The following HADHB variants were observed in gnomAD, a reference collection of about 807,000 sequenced individuals.
HADHB encodes the protein hydroxyacyl-CoA dehydrogenase trifunctional multienzyme complex subunit beta.
In HADHB, 50 loss-of-function variants were observed where a neutral mutation model predicts 61.9. That is an observed-to-expected ratio of 0.81 (90% CI 0.64 to 1.02). The LOEUF (loss-of-function observed/expected upper bound fraction) is 1.02, where lower values mean the gene tolerates loss of function less well. Ranked by LOEUF, HADHB falls within the 50% of genes least tolerant of loss-of-function variation. The pLI is 0.00. For synonymous variants in HADHB, 191 were observed against 201.6 expected (o/e 0.95, Z 0.45); for missense variants, 504 against 586.5 (o/e 0.86, Z 1.45).
At chr2:26,280,254 G>A (rs1672731363) in intron 10 of HADHB, 139 bp downstream of exon 10, 4 of 745,402 alleles carry the variant, frequency 5.4e-6, no homozygotes, top group Admixed American at 2.4e-5. Flanking sequence ...TGAAAGTGGA[G>A]TCATTAAAAA....
chr2:26,281,242 C>T (rs968741814), intron 10 of HADHB, among the ~76,000 whole-genome samples: 1 of 152,072 alleles, frequency 6.6e-6, no homozygotes, highest in Non-Finnish European at 1.5e-5. Flanking sequence ...TTTCTCTTCT[C>T]TTACCACCTT....
chr2:26,281,268 G>T (rs1191579799), intron 10 of HADHB, among the ~76,000 whole-genome samples: 1 of 151,986 alleles, frequency 6.6e-6, no homozygotes, highest in Non-Finnish European at 1.5e-5. Flanking sequence ...TAGTCTTCTG[G>T]ATATAGGCCA....
At chr2:26,262,328 A>C (rs781439788) in intron 3 of HADHB, among the ~76,000 whole-genome samples, 1 of 152,352 alleles carries the variant, frequency 6.6e-6, no homozygotes, top group East Asian at 1.9e-4. Context: ...CTAACATGGA[A>C]TGTTCTTCGA....
chr2:26,252,877 A>G (rs2147799166), intron 1 of HADHB, among the ~76,000 whole-genome samples: 1 of 152,356 alleles, frequency 6.6e-6, no homozygotes, highest in South Asian at 2.1e-4. Context: ...TTTCATGGAT[A>G]ATTACCAAAT....
At chr2:26,249,556 C>G (rs1671316752) in intron 1 of HADHB, among the ~76,000 whole-genome samples, 1 of 151,996 alleles carries the variant, frequency 6.6e-6, no homozygotes, top group Admixed American at 6.6e-5. Flanking sequence ...GCTCACAGAA[C>G]TGAAAAGCAC....
intron 3 of HADHB, among the ~76,000 whole-genome samples, chr2:26,258,601 C>G (rs1450465995): frequency 1.3e-5 from 2 of 152,178 alleles, no homozygotes; most frequent in Non-Finnish European, 2.9e-5. Context: ...GGGTCTGTGA[C>G]AGTGGCGAAC....
At chr2:26,258,318 T>G (rs1671715598) in intron 3 of HADHB, among the ~76,000 whole-genome samples, 1 of 152,164 alleles carries the variant, frequency 6.6e-6, no homozygotes, top group African/African-American at 2.4e-5. Flanking sequence ...GCTCTTGGCC[T>G]CATGGATTCC....
chr2:26,246,783 C>A (rs1488683336), intron 1 of HADHB, among the ~76,000 whole-genome samples: 2 of 152,000 alleles, frequency 1.3e-5, no homozygotes, highest in Non-Finnish European at 2.9e-5. Flanking sequence ...TCCATCAGGG[C>A]AGAAATGTTA....
chr2:26,285,881 G>A (rs547529445), intron 15 of HADHB, among the ~76,000 whole-genome samples: 1 of 151,634 alleles, frequency 6.6e-6, no homozygotes, highest in Non-Finnish European at 1.5e-5. Flanking sequence ...GAGATTACAG[G>A]TGTGCACCAC....
At chr2:26,254,339 T>A (rs745344687) in intron 2 of HADHB, 21 bp downstream of exon 2, 1 of 1,517,056 alleles carries the variant, frequency 6.6e-7, no homozygotes, top group Non-Finnish European at 9.2e-7. Context: ...TATTATTTTT[T>A]TATTTTTAGA....
intron 3 of HADHB, chr2:26,254,727 G>A: frequency 2.1e-6 from 1 of 467,096 alleles, no homozygotes; most frequent in Non-Finnish European, 3.9e-6. Context: ...GAGTCATGGA[G>A]GTTCCATAAA....
chr2:26,264,210 A>T (rs572883854), intron 4 of HADHB, among the ~76,000 whole-genome samples: 8 of 152,176 alleles, frequency 5.3e-5, no homozygotes, highest in Non-Finnish European at 1.0e-4. Flanking sequence ...ATCTTTATAT[A>T]CTAATATGGA....
At position 26,261,029 on chromosome 2, in the gene HADHB, G is replaced by T. The variant is rs138809384; in HGVS notation, c.110-2351G>T. 4,914 of 1,522,020 alleles carry T rather than the reference G, an allele frequency of 3.2e-3. 17 individuals are homozygous for T. Among genetic ancestry groups the T allele is most frequent in the Non-Finnish European group, 4.0e-3 (4,530 of 1,134,340 alleles). The allele number at this position is 1,522,020 out of a possible 1,614,324, so 94.3% of individuals were successfully genotyped here. ...TGATCACTTGTAGGTAGATGACACT[G>T]GTTTCTGGTTGGCTCCTATATGGAT... On this transcript the variant is annotated intron_variant, in intron 3 of 15. Coordinates refer to ENST00000317799, the MANE Select transcript of HADHB (RefSeq NM_000183.3).
At chr2:26,254,752 T>G in intron 3 of HADHB, 1 of 405,976 alleles carries the variant, frequency 2.5e-6, no homozygotes, top group Non-Finnish European at 4.5e-6. Flanking sequence ...GTTGGTCAGT[T>G]TATTTATCCT....
At chr2:26,253,479 A>G (rs769956384) in intron 1 of HADHB, among the ~76,000 whole-genome samples, 4 of 152,160 alleles carry the variant, frequency 2.6e-5, no homozygotes, top group African/African-American at 4.8e-5. Context: ...TGGTTTTATT[A>G]TCACGCCTAG....
chr2:26,277,896 T>C (rs1351092114), intron 7 of HADHB, among the ~76,000 whole-genome samples: 1 of 152,282 alleles, frequency 6.6e-6, no homozygotes. Context: ...TTGCTTTAGA[T>C]GGCACAGCTC....
chr2:26,279,183 G>C lies in HADHB; in HGVS notation c.679G>C (p.Ala227Pro). 6.2e-7 allele frequency: 1 copy of C among 1,614,032 alleles called. No homozygotes were observed. Among genetic ancestry groups the C allele is most frequent in the Non-Finnish European group, 8.5e-7 (1 of 1,179,908 alleles). Residue 227 changes from alanine to proline, a missense_variant, in exon 9 of 16, where the codon GCA (alanine) becomes CCA (proline). Coordinates refer to ENST00000317799, the MANE Select transcript of HADHB (RefSeq NM_000183.3). ...FSTSETMGHSADRLAAAFAVS... is the reference protein window; with the variant it reads ...FSTSETMGHSPDRLAAAFAVS... ...CACCAGTGAGACCATGGGCCACTCT[G>C]CAGACCGACTGGCCGCTGCCTTTGC...
At chr2:26,246,042 T>C (rs1671142263) in intron 1 of HADHB, among the ~76,000 whole-genome samples, 2 of 152,280 alleles carry the variant, frequency 1.3e-5, no homozygotes, top group South Asian at 2.1e-4. Flanking sequence ...TGTTTAAAGC[T>C]CAAGTTGCAT....
chr2:26,269,499 C>T (rs62130490), intron 4 of HADHB, among the ~76,000 whole-genome samples: 7,993 of 152,244 alleles, frequency 0.053, 309 homozygotes, highest in Middle Eastern at 0.085. Context: ...CCATGCTTGG[C>T]CTCTTTCCAA....
Sources: gnomAD v4.1 joint callset for allele counts (sites outside exome capture counted in the v4.1 genomes callset) on GRCh38, gnomAD v4.1.1 for gene constraint, MANE v1.5 for transcripts, NCBI Gene and HGNC (gene_info 2026-07-23, HGNC 2026-07-21) for gene names.